ADAMTS15: variants seen among roughly 807,000 people sequenced by gnomAD.
The protein encoded by ADAMTS15 is A disintegrin and metalloproteinase with thrombospondin motifs 15.
ADAMTS15 carries 35 observed loss-of-function variants against 79.1 expected under a neutral mutation model. The observed-to-expected ratio is 0.44, with a 90% confidence interval of 0.34 to 0.59. The LOEUF is 0.59. ADAMTS15 is among the 20% of genes least tolerant of loss of function. The pLI is 0.02. For synonymous variants in ADAMTS15, 616 were observed against 567.3 expected, an observed-to-expected ratio of 1.09 and a Z score of -1.22; for missense variants, 1,324 against 1,318.7, an observed-to-expected ratio of 1.00 and a Z score of -0.06.
intron 4 of ADAMTS15, among the ~76,000 whole-genome samples, chr11:130,464,666 A>G (rs1171330375): frequency 2.0e-5 from 3 of 152,132 alleles, no homozygotes; most frequent in South Asian, 2.1e-4. Flanking sequence ...CACTGGTCTC[A>G]GTTTAAATTC....
chr11:130,460,389 G>C (rs534367009), intron 1 of ADAMTS15, among the ~76,000 whole-genome samples: 2 of 151,426 alleles, frequency 1.3e-5, no homozygotes, highest in African/African-American at 4.9e-5. Context: ...CGATTCTCCT[G>C]CCTCAGCCTC....
rs1292363273 is a variant in ADAMTS15, at chr11:130,449,243, G to A, written c.270G>A (p.Gly90=). 5 of 1,613,554 alleles carry A rather than the reference G, an allele frequency of 3.1e-6. No individual in the cohort carries two copies. Among genetic ancestry groups the A allele is most frequent in the African/African-American group, 2.7e-5 (2 of 75,066 alleles). The change falls in exon 1 of 8, where the codon GGG becomes GGA. Residue 90 remains glycine (G), a synonymous_variant. Transcript: ENST00000299164. The surrounding 1 kb of genome is among the most constrained non-coding windows in gnomAD (Gnocchi z 7.8). ...STEHLGVPLQ[G]LTGGSSDLRR... is the part of the protein sequence containing the mutation. ...AGCATCTGGGCGTCCCCCTCCAGGG[G>A]CTCACCGGGGGCTCTTCAGACCTGC...
At position 130,462,833 on chromosome 11, in the gene ADAMTS15, C is replaced by T. The variant is rs1412740825; in HGVS notation, c.1542+53C>T. 4.6e-6 allele frequency: 7 copies of T among 1,537,138 alleles called. No individual in the cohort carries two copies. Among genetic ancestry groups the T allele is most frequent in the Admixed American group, 1.9e-5 (1 of 53,498 alleles). On this transcript the variant is annotated intron_variant, in intron 4 of 7. Transcript: ENST00000299164. This position sits in a 1 kb window ranked among gnomAD's most constrained non-coding sequence, Gnocchi z 4.3. Reference sequence around the variant, plus strand: ...GGACTGCTGGGAGGAGGGATGGAGACCCGGGGGCCTCGTCTGCCCTTGGTC... The same window carrying T: ...GGACTGCTGGGAGGAGGGATGGAGATCCGGGGGCCTCGTCTGCCCTTGGTC...
rs1159949731 is a variant in ADAMTS15, at chr11:130,470,176, ATATATG to A, written c.1720+739_1721-737del. 3.4e-3 allele frequency among the ~76,000 whole-genome samples: 192 copies of A among 56,872 alleles called. 4 individuals carry two copies. Among genetic ancestry groups the A allele is most frequent in the South Asian group, 4.5e-3 (10 of 2,210 alleles). The allele number at this position is 56,872 out of a possible 152,430, so 37.3% of individuals were successfully genotyped here. A position where few individuals can be genotyped will look rare whatever the true frequency, so the allele number is the denominator to read the frequency against. On this transcript the variant is annotated intron_variant, in intron 5 of 7. Coordinates refer to ENST00000299164, the MANE Select transcript of ADAMTS15 (RefSeq NM_139055.4). ...TGTGTATATATATATATATATATATATATATGTGTGTATATATATATATATATATAT... is the reference window on the plus strand; with the variant it reads ...TGTGTATATATATATATATATATATATGTGTATATATATATATATATATAT...
chr11:130,470,370 C>T (rs1938426315), intron 5 of ADAMTS15, among the ~76,000 whole-genome samples: 1 of 151,184 alleles, frequency 6.6e-6, no homozygotes, highest in South Asian at 2.1e-4. Context: ...GTGCCTGCCA[C>T]CATGCCCAGC....
At chr11:130,470,172 ATATATATATGTG>A (rs1263342771) in intron 5 of ADAMTS15, among the ~76,000 whole-genome samples, 97 of 58,228 alleles carry the variant, frequency 1.7e-3, no homozygotes, top group Non-Finnish European at 2.1e-3. Flanking sequence ...ATATATATAT[ATATATATATGTG>A]TGTATATATA....
At chr11:130,463,529 T>C (rs1938244630) in intron 4 of ADAMTS15, among the ~76,000 whole-genome samples, 1 of 152,174 alleles carries the variant, frequency 6.6e-6, no homozygotes, top group African/African-American at 2.4e-5. Flanking sequence ...ATCCTGGAGC[T>C]GACTGTCCCT....
chr11:130,470,155 T>C (rs1370769582), intron 5 of ADAMTS15, among the ~76,000 whole-genome samples: 1 of 30,210 alleles, frequency 3.3e-5, no homozygotes, highest in African/African-American at 1.6e-4. Context: ...TATATATGTG[T>C]ATATATATAT....
chr11:130,471,141 G>A, intron 6 of ADAMTS15, 40 bp downstream of exon 6: 1 of 1,595,278 alleles, frequency 6.3e-7, no homozygotes, highest in South Asian at 1.1e-5. Context: ...TAGGGACCAG[G>A]TCTTCCGGGG....
Position 130,465,490 on chromosome 11 carries a change from C to T in ADAMTS15, c.1542+2710C>T, listed in dbSNP as rs568593151. Among the ~76,000 whole-genome samples the T allele has an allele frequency of 9.8e-5, 15 of 152,304 alleles. No individual in the cohort carries two copies. The South Asian group carries it at 2.9e-3, about 30-fold the overall frequency. On this transcript the variant is annotated intron_variant, in intron 4 of 7. Transcript: ENST00000299164. ...TCTGAAACAAAACTTCTTATGATCC[C>T]ACTTCCTCTGTGGTCTGTTTCTCTG...
intron 1 of ADAMTS15, among the ~76,000 whole-genome samples, chr11:130,455,142 A>G (rs11222106): frequency 6.6e-6 from 1 of 152,210 alleles, no homozygotes; most frequent in African/African-American, 2.4e-5. Context: ...TGATGATGAC[A>G]TGATACCTCA....
intron 5 of ADAMTS15, among the ~76,000 whole-genome samples, chr11:130,470,210 G>GTGTATATATATA (rs1441169535): frequency 1.2e-4 from 4 of 32,990 alleles, no homozygotes; most frequent in Non-Finnish European, 2.4e-4. Flanking sequence ...ATATATATAT[G>GTGTATATATATA]TATATATATA....
intron 1 of ADAMTS15, among the ~76,000 whole-genome samples, chr11:130,454,710 G>C (rs949130656): frequency 1.1e-4 from 16 of 152,150 alleles, no homozygotes; most frequent in African/African-American, 3.9e-4. Flanking sequence ...AGAGAGGGAG[G>C]AGTGCAATAT....
Position 130,462,016 on chromosome 11 carries a change from C to A in ADAMTS15, c.1091-71C>A. 7.3e-7 allele frequency: 1 copy of A among 1,375,294 alleles called. No homozygotes were observed. 85.2% of individuals were successfully genotyped at this position (1,375,294 alleles called of 1,614,324 possible). A position where few individuals can be genotyped will look rare whatever the true frequency, so the allele number is the denominator to read the frequency against. On this transcript the variant is annotated intron_variant, in intron 2 of 7. Coordinates refer to ENST00000299164, the MANE Select transcript of ADAMTS15 (RefSeq NM_139055.4). This position sits in a 1 kb window ranked among gnomAD's most constrained non-coding sequence, Gnocchi z 4.3. ...CTCTGACATGGGCTTTCTAGTTCCC[C>A]TGCCCCATTCCTCCCTCCAACCCCC...
In ADAMTS15 at chr11:130,462,824, G is replaced by T; in HGVS notation, c.1542+44G>T. On this transcript the variant is annotated intron_variant, in intron 4 of 7. Transcript: ENST00000299164. This position sits in a 1 kb window ranked among gnomAD's most constrained non-coding sequence, Gnocchi z 4.3. ...TGCGCTCGGGGACTGCTGGGAGGAGGGATGGAGACCCGGGGGCCTCGTCTG... is the reference window on the plus strand; with the variant it reads ...TGCGCTCGGGGACTGCTGGGAGGAGTGATGGAGACCCGGGGGCCTCGTCTG... 1 of 1,543,978 alleles carries T rather than the reference G, an allele frequency of 6.5e-7. No homozygotes were observed. Among genetic ancestry groups the T allele is most frequent in the Non-Finnish European group, 8.8e-7 (1 of 1,140,166 alleles).
rs900010817 is a variant in ADAMTS15, at chr11:130,472,650, G to A, written c.2079-397G>A. On this transcript the variant is annotated intron_variant, in intron 7 of 7. Coordinates refer to ENST00000299164, the MANE Select transcript of ADAMTS15 (RefSeq NM_139055.4). The surrounding 1 kb of genome is among the most constrained non-coding windows in gnomAD (Gnocchi z 4.7). ...CATTGAGCTCCTAGCCTCAGGCTCT[G>A]GGATGGTGGACTTACTCCTCCCGCC... Among the ~76,000 whole-genome samples, 1 of 152,026 alleles carries A rather than the reference G, an allele frequency of 6.6e-6. No individual in the cohort carries two copies. Among genetic ancestry groups the A allele is most frequent in the African/African-American group, 2.4e-5 (1 of 41,380 alleles).
chr11:130,465,959 A>G (rs898000964), intron 4 of ADAMTS15, among the ~76,000 whole-genome samples: 1 of 132,092 alleles, frequency 7.6e-6, no homozygotes, highest in Non-Finnish European at 1.6e-5. Flanking sequence ...TGCAACCTCC[A>G]CCTCCCGGGT....
intron 4 of ADAMTS15, among the ~76,000 whole-genome samples, chr11:130,464,933 C>T (rs1938270433): frequency 6.7e-6 from 1 of 149,698 alleles, no homozygotes; most frequent in African/African-American, 2.5e-5. Flanking sequence ...CGCCACTGCA[C>T]TCCAGCCTGG....
At chr11:130,450,957 G>A (rs987954156) in intron 1 of ADAMTS15, among the ~76,000 whole-genome samples, 8 of 152,226 alleles carry the variant, frequency 5.3e-5, no homozygotes, top group Non-Finnish European at 1.0e-4. Context: ...AGCCCAGGAA[G>A]CAGCCCTGCC....
Sources: allele counts gnomAD v4.1 joint callset (sites outside exome capture counted in the v4.1 genomes callset), GRCh38; gene constraint gnomAD v4.1.1; non-coding constraint Gnocchi (gnomAD v3.1); transcripts MANE v1.5; gene names NCBI Gene and HGNC (gene_info 2026-07-23, HGNC 2026-07-21).